PPFIBP1: variants seen among roughly 807,000 people sequenced by gnomAD.
The protein encoded by PPFIBP1 is PPFIB scaffold protein 1.
Under a neutral mutation model 137.8 loss-of-function variants are expected in PPFIBP1, and 112 were observed. The ratio of observed to expected loss-of-function variants is 0.81; its 90% CI spans 0.70 to 0.95. The LOEUF is 0.95. Among genes scored for constraint, PPFIBP1 ranks in the 40% least tolerant of loss-of-function variants. The probability of loss-of-function intolerance (pLI) is 0.00; values close to 1 mark genes in which losing one functional copy is unlikely to be tolerated. For synonymous variants in PPFIBP1, 378 were observed against 417.3 expected, an observed-to-expected ratio of 0.91 and a Z score of 1.15; for missense variants, 1,083 against 1,196.6, an observed-to-expected ratio of 0.91 and a Z score of 1.40.
intron 2 of PPFIBP1, among the ~76,000 whole-genome samples, chr12:27,622,146 C>G (rs2113870): frequency 0.57 from 86,164 of 151,988 alleles, 25,136 homozygotes; most frequent in Non-Finnish European, 0.61. Context: ...CCTGGACCAT[C>G]CTCCCCATTT....
At position 27,641,729 on chromosome 12, in the gene PPFIBP1, C is replaced by T. The variant is rs1347056659; in HGVS notation, c.271-4333C>T. 2.0e-5 allele frequency among the ~76,000 whole-genome samples: 3 copies of T among 152,128 alleles called. No individual in the cohort carries two copies. In the East Asian group the frequency reaches 5.8e-4, roughly 29 times the overall value. On this transcript the variant is annotated intron_variant, in intron 4 of 29. Transcript: ENST00000228425. ...CGGGGCTTGTAACTGAGCTCACACCCGACCAATCAGGTAGTAAAGAGAGCT... is the reference window on the plus strand; with the variant it reads ...CGGGGCTTGTAACTGAGCTCACACCTGACCAATCAGGTAGTAAAGAGAGCT...
intron 4 of PPFIBP1, 33 bp downstream of exon 4, chr12:27,635,148 A>G: frequency 6.2e-7 from 1 of 1,609,070 alleles, no homozygotes; most frequent in Non-Finnish European, 8.5e-7. Context: ...TCTGTTATAA[A>G]TCCTTTGTTG....
rs376597954 is a variant in PPFIBP1 at position 27,660,904 on chromosome 12, A to G, written c.865A>G (p.Lys289Glu). 1.4e-5 allele frequency: 22 copies of G among 1,613,500 alleles called. No individual in the cohort carries two copies. Among genetic ancestry groups the G allele is most frequent in the Non-Finnish European group, 1.9e-5 (22 of 1,179,794 alleles). ...TTCAGACATCGAAGTACAAAAAATGAAAAAAGCTGTGGAGTCCTTGATGGC... is the reference window on the plus strand; with the variant it reads ...TTCAGACATCGAAGTACAAAAAATGGAAAAAGCTGTGGAGTCCTTGATGGC... The part of the protein sequence containing the change: ...KEKNIEVQKM[K>E]KAVESLMAAN... Residue 289 changes from lysine (K) to glutamate (E), a missense_variant, in exon 11 of 30, where the codon AAA (lysine) becomes GAA (glutamate). Lys to Glu is a moderately conservative substitution (Grantham distance 56). Coordinates refer to ENST00000228425, the MANE Select transcript of PPFIBP1 (RefSeq NM_003622.4).
In PPFIBP1 at chr12:27,578,162, C is replaced by A. The variant is rs994281746; in HGVS notation, c.-113C>A. On this transcript the variant is annotated 5_prime_UTR_variant, in exon 2 of 30. Coordinates refer to ENST00000228425, the MANE Select transcript of PPFIBP1 (RefSeq NM_003622.4). ...TTTGTTTCTTTTCAGTATAAAAGAA[C>A]GTGTGGATCACTTTGCTGAGTACAT... 6.6e-6 allele frequency: 1 copy of A among 150,806 alleles called. No individual in the cohort carries two copies. Among genetic ancestry groups the A allele is most frequent in the Non-Finnish European group, 1.5e-5 (1 of 67,782 alleles). 9.3% of individuals were successfully genotyped at this position (150,806 alleles called of 1,614,324 possible).
chr12:27,654,682 A>G (rs775290152), intron 7 of PPFIBP1, 40 bp from the exon 8 acceptor site: 2 of 1,597,176 alleles, frequency 1.3e-6, no homozygotes, highest in African/African-American at 2.7e-5. Context: ...TAACTGTGTT[A>G]CCACTTTCCT....
intron 1 of PPFIBP1, among the ~76,000 whole-genome samples, chr12:27,571,660 T>G (rs2050161032): frequency 6.6e-6 from 1 of 152,192 alleles, no homozygotes; most frequent in African/African-American, 2.4e-5. Flanking sequence ...CTGGGGTGTG[T>G]TAGTTCCTGC....
intron 4 of PPFIBP1, among the ~76,000 whole-genome samples, chr12:27,641,342 A>T (rs2058092038): frequency 6.6e-6 from 1 of 152,184 alleles, no homozygotes; most frequent in African/African-American, 2.4e-5. Context: ...GAACAAAGCA[A>T]AACAAAGGGG....
rs570038405 is a variant in PPFIBP1, at chr12:27,549,602, A to G, written c.-124+25237A>G. On this transcript the variant is annotated intron_variant, in intron 1 of 29. Transcript: ENST00000228425. ...AAAGAAGAATGAAGGAAGTCTATCA[A>G]GAAAAGGAAGAACCAGAAGTGATCT... The G allele has an allele frequency of 9.8e-5, 15 of 152,318 alleles. No homozygotes were observed. The South Asian group carries it at 2.5e-3, about 25-fold the overall frequency. The allele number at this position is 152,318 out of a possible 1,614,324, so 9.4% of individuals were successfully genotyped here.
intron 25 of PPFIBP1, among the ~76,000 whole-genome samples, chr12:27,688,000 C>T (rs1466982128): frequency 2.6e-5 from 4 of 151,804 alleles, no homozygotes; most frequent in Admixed American, 6.6e-5. Context: ...TAGGAGGATC[C>T]GTCTGAGCCT....
intron 1 of PPFIBP1, among the ~76,000 whole-genome samples, chr12:27,563,216 C>T (rs370171444): frequency 3.9e-5 from 5 of 128,820 alleles, no homozygotes; most frequent in South Asian, 2.6e-4. Context: ...CTGAGGTAGG[C>T]GGATCACGAG....
intron 3 of PPFIBP1, among the ~76,000 whole-genome samples, chr12:27,633,878 C>A (rs1213713905): frequency 7.5e-6 from 1 of 133,808 alleles, no homozygotes; most frequent in African/African-American, 2.8e-5. Context: ...CTCTCTGTTG[C>A]CCAGGCTGGA....
intron 1 of PPFIBP1, among the ~76,000 whole-genome samples, chr12:27,557,577 CTG>C (rs1470344906): frequency 3.3e-5 from 5 of 152,126 alleles, no homozygotes; most frequent in African/African-American, 1.2e-4. Flanking sequence ...AAAATTAAAA[CTG>C]TGGTGTTTCC....
intron 3 of PPFIBP1, among the ~76,000 whole-genome samples, chr12:27,634,570 C>A (rs1299841127): frequency 6.6e-6 from 1 of 152,046 alleles, no homozygotes; most frequent in African/African-American, 2.4e-5. Flanking sequence ...CGGAATGGAC[C>A]AGGTCTAATA....
chr12:27,637,853 G>A (rs901243112), intron 4 of PPFIBP1, among the ~76,000 whole-genome samples: 6 of 152,158 alleles, frequency 3.9e-5, no homozygotes, highest in African/African-American at 7.2e-5. Context: ...TTAGTAATTT[G>A]CTGATAATAT....
rs1040413610 is a variant in PPFIBP1 at position 27,681,782 on chromosome 12, C to T, written c.2046+86C>T. 4.8e-6 allele frequency: 7 copies of T among 1,444,542 alleles called. No individual in the cohort carries two copies. The East Asian group carries it at 1.6e-4, about 34-fold the overall frequency. The allele number at this position is 1,444,542 out of a possible 1,614,324, so 89.5% of individuals were successfully genotyped here. ...GGGTTGTTTTATAGTCCAGAAAGGG[C>T]CATGAGTGAAGCCAGTAAAAACTCT... On this transcript the variant is annotated intron_variant, in intron 22 of 29. Coordinates refer to ENST00000228425, the MANE Select transcript of PPFIBP1 (RefSeq NM_003622.4).
intron 1 of PPFIBP1, among the ~76,000 whole-genome samples, chr12:27,549,649 T>C (rs1202033080): frequency 6.7e-6 from 1 of 148,990 alleles, no homozygotes; most frequent in African/African-American, 2.5e-5. Flanking sequence ...CCTGGAGATA[T>C]GGGAAATAAA....
At chr12:27,569,082 T>C (rs577861311) in intron 1 of PPFIBP1, among the ~76,000 whole-genome samples, 1 of 152,208 alleles carries the variant, frequency 6.6e-6, no homozygotes, top group Non-Finnish European at 1.5e-5. Flanking sequence ...TGCTAGTTCA[T>C]GGCCCTGAAA....
chr12:27,666,741 C>G (rs1002357320), intron 12 of PPFIBP1, among the ~76,000 whole-genome samples: 1 of 152,200 alleles, frequency 6.6e-6, no homozygotes, highest in Non-Finnish European at 1.5e-5. Flanking sequence ...GTGATGAAAA[C>G]TAAGTTGTTT....
At chr12:27,575,952 A>G (rs1271618171) in intron 1 of PPFIBP1, among the ~76,000 whole-genome samples, 1 of 152,222 alleles carries the variant, frequency 6.6e-6, no homozygotes, top group Non-Finnish European at 1.5e-5. Flanking sequence ...AAGTCCTATG[A>G]TGAAAACTCA....
Sources: allele counts gnomAD v4.1 joint callset (sites outside exome capture counted in the v4.1 genomes callset), GRCh38; gene constraint gnomAD v4.1.1; transcripts MANE v1.5; gene names NCBI Gene and HGNC (gene_info 2026-07-23, HGNC 2026-07-21).